LARS2: variants seen among roughly 807,000 people sequenced by gnomAD.
LARS2 encodes leucine--tRNA ligase, mitochondrial.
Under a neutral mutation model 116.6 loss-of-function variants are expected in LARS2, and 81 were observed. That is an observed-to-expected ratio of 0.69 (90% CI 0.58 to 0.84). The LOEUF is 0.84. Among genes scored for constraint, LARS2 ranks in the 40% least tolerant of loss-of-function variants. LARS2 has a pLI of 0.00. For synonymous variants in LARS2, 396 were observed against 407.2 expected, an observed-to-expected ratio of 0.97 and a Z score of 0.33; for missense variants, 968 against 1,114.5, an observed-to-expected ratio of 0.87 and a Z score of 1.87.
chr3:45,468,884 C>T (rs561205087), intron 8 of LARS2, among the ~76,000 whole-genome samples: 1 of 152,320 alleles, frequency 6.6e-6, no homozygotes, highest in Non-Finnish European at 1.5e-5. Flanking sequence ...GCACATCCCT[C>T]TTTTCTAGCA....
At chr3:45,412,508 TATC>T (rs1698347091) in intron 4 of LARS2, among the ~76,000 whole-genome samples, 1 of 152,232 alleles carries the variant, frequency 6.6e-6, no homozygotes, top group Non-Finnish European at 1.5e-5. Flanking sequence ...TGCCTTTATT[TATC>T]ATTGTATTAT....
intron 20 of LARS2, among the ~76,000 whole-genome samples, chr3:45,537,833 A>C (rs377532591): frequency 1.3e-5 from 2 of 152,060 alleles, no homozygotes; most frequent in African/African-American, 4.8e-5. Context: ...TGACCTCACC[A>C]CCTCTCAGTG....
intron 6 of LARS2, among the ~76,000 whole-genome samples, chr3:45,439,210 CTTTTTTTTTTTT>C (rs575140221): frequency 8.0e-5 from 5 of 62,444 alleles, no homozygotes; most frequent in Admixed American, 2.6e-4. Context: ...GAAACTCTGG[CTTTTTTTTTTTT>C]TTTTTTTTTT....
intron 20 of LARS2, among the ~76,000 whole-genome samples, chr3:45,532,264 C>G (rs1700626349): frequency 6.6e-6 from 1 of 152,106 alleles, no homozygotes; most frequent in Non-Finnish European, 1.5e-5. Flanking sequence ...AAGGAAGCAG[C>G]CTTCTGGTTT....
At chr3:45,473,485 G>A (rs1464634520) in intron 8 of LARS2, among the ~76,000 whole-genome samples, 4 of 151,652 alleles carry the variant, frequency 2.6e-5, no homozygotes, top group African/African-American at 4.8e-5. Flanking sequence ...CAGGGTTCAA[G>A]CAATTCTCCT....
At chr3:45,443,287 AG>A (rs1345871341) in intron 6 of LARS2, among the ~76,000 whole-genome samples, 5 of 152,240 alleles carry the variant, frequency 3.3e-5, no homozygotes, top group Non-Finnish European at 5.9e-5. Context: ...CTAAAATAAA[AG>A]CTTTTCAGCA....
At chr3:45,495,324 A>T (rs149691880) in intron 13 of LARS2, 28 of 152,318 alleles carry the variant, frequency 1.8e-4, no homozygotes, top group African/African-American at 6.7e-4. Context: ...AATTTCCGTG[A>T]TGTACATACT....
chr3:45,512,188 T>C (rs1353917088), intron 15 of LARS2, among the ~76,000 whole-genome samples: 1 of 152,192 alleles, frequency 6.6e-6, no homozygotes, highest in Admixed American at 6.5e-5. Flanking sequence ...ACCAAAGCCA[T>C]GTACTGGTGA....
Position 45,474,304 on chromosome 3 carries a change from A to G in LARS2, c.812A>G (p.His271Arg). The G allele has an allele frequency of 6.2e-7, 1 of 1,612,134 alleles. No homozygotes were observed. The change falls in exon 9 of 22, where the codon CAC (histidine) becomes CGC (arginine). Residue 271 changes from histidine to arginine, a missense_variant. Coordinates refer to ENST00000645846, the MANE Select transcript of LARS2 (RefSeq NM_015340.4). The part of the protein sequence containing the change: ...EWYGIKGMQA[H>R]WIGDCVGCHL... ...TATGGAATAAAAGGCATGCAAGCCC[A>G]CTGGATTGGGGACTGTGTGGGCTGC...
At chr3:45,512,178 A>G (rs1227688112) in intron 15 of LARS2, among the ~76,000 whole-genome samples, 1 of 152,206 alleles carries the variant, frequency 6.6e-6, no homozygotes, top group Non-Finnish European at 1.5e-5. Flanking sequence ...ACCTTGAGCA[A>G]CCAAAGCCAT....
intron 7 of LARS2, among the ~76,000 whole-genome samples, chr3:45,454,556 G>A (rs1699184406): frequency 6.6e-6 from 1 of 152,164 alleles, no homozygotes; most frequent in Non-Finnish European, 1.5e-5. Flanking sequence ...AATGATTTCA[G>A]TGTTAATTTA....
At chr3:45,511,057 G>T (rs1316318836) in intron 15 of LARS2, among the ~76,000 whole-genome samples, 1 of 152,188 alleles carries the variant, frequency 6.6e-6, no homozygotes, top group East Asian at 1.9e-4. Flanking sequence ...TGCTGTCGAT[G>T]AATGGTGTCT....
At chr3:45,419,846 G>A (rs1164447723) in intron 6 of LARS2, 117 bp downstream of exon 6, 11 of 811,128 alleles carry the variant, frequency 1.4e-5, no homozygotes, top group Non-Finnish European at 2.2e-5. Flanking sequence ...GGAAGCAGGA[G>A]GGAAGGATTA....
intron 9 of LARS2, 92 bp from the exon 10 acceptor site, chr3:45,476,376 T>G: frequency 1.5e-6 from 2 of 1,331,796 alleles, no homozygotes. Context: ...TGTTGGGGAA[T>G]GAGGAGGGAA....
chr3:45,518,469 G>A (rs1350169366), intron 18 of LARS2, among the ~76,000 whole-genome samples: 2 of 152,104 alleles, frequency 1.3e-5, no homozygotes, highest in Non-Finnish European at 2.9e-5. Context: ...TTTTAGAGTT[G>A]GAAGGGGCAT....
intron 16 of LARS2, among the ~76,000 whole-genome samples, chr3:45,513,823 T>C (rs1700329593): frequency 6.6e-6 from 1 of 152,170 alleles, no homozygotes; most frequent in African/African-American, 2.4e-5. Flanking sequence ...ACCCTTCATT[T>C]TCACCCTGAG....
intron 8 of LARS2, among the ~76,000 whole-genome samples, chr3:45,471,880 CAT>C (rs2125716905): frequency 6.6e-6 from 1 of 152,256 alleles, no homozygotes; most frequent in South Asian, 2.1e-4. Context: ...TGTTTATTAA[CAT>C]ATTAGTATAT....
chr3:45,513,796 T>C (rs1700329355), intron 16 of LARS2, among the ~76,000 whole-genome samples: 1 of 152,164 alleles, frequency 6.6e-6, no homozygotes, highest in Non-Finnish European at 1.5e-5. Flanking sequence ...ATTTTCACCC[T>C]TTACCCTTTA....
intron 10 of LARS2, among the ~76,000 whole-genome samples, chr3:45,481,535 A>T (rs186168593): frequency 1.3e-5 from 2 of 152,188 alleles, no homozygotes. Flanking sequence ...CATTTTGATT[A>T]TGGTCATCCT....
Sources: allele counts gnomAD v4.1 joint callset (sites outside exome capture counted in the v4.1 genomes callset), GRCh38; gene constraint gnomAD v4.1.1; transcripts MANE v1.5; gene names NCBI Gene and HGNC (gene_info 2026-07-23, HGNC 2026-07-21).